The following MARCHF1 variants were observed in gnomAD, a reference collection of about 807,000 sequenced individuals.
MARCHF1 encodes the protein E3 ubiquitin-protein ligase MARCHF1.
MARCHF1 carries 40 observed loss-of-function variants against 54.2 expected under a neutral mutation model. That is an observed-to-expected ratio of 0.74 (90% CI 0.57 to 0.96). MARCHF1 has a LOEUF of 0.96. Ranked by LOEUF, MARCHF1 falls within the 40% of genes least tolerant of loss-of-function variation. The pLI is 0.00. For missense variants in MARCHF1, 586 were observed against 656.5 expected (o/e 0.89, Z 1.17); for synonymous variants, 236 against 236.3 (o/e 1.00, Z 0.01).
chr4:163,660,414 T>A (rs542192316), intron 5 of MARCHF1, among the ~76,000 whole-genome samples: 2 of 151,026 alleles, frequency 1.3e-5, no homozygotes, highest in East Asian at 3.9e-4. Context: ...TGGGTGGGGG[T>A]CAAGGGGAGG....
intron 4 of MARCHF1, among the ~76,000 whole-genome samples, chr4:163,780,901 T>C (rs756915767): frequency 5.9e-5 from 9 of 152,142 alleles, no homozygotes; most frequent in Non-Finnish European, 1.0e-4. Flanking sequence ...GAGCTTGTTG[T>C]GAAAAGGGCA....
intron 3 of MARCHF1, chr4:163,933,307 C>G (rs1219678416): frequency 1.7e-6 from 1 of 574,276 alleles, no homozygotes; most frequent in Non-Finnish European, 3.3e-6. Context: ...TTACATATCT[C>G]CATTCCTTAT....
chr4:163,932,804 G>T, intron 3 of MARCHF1: 1 of 610,872 alleles, frequency 1.6e-6, no homozygotes, highest in South Asian at 1.4e-5. Flanking sequence ...TCGGCACCAT[G>T]GTCCTGGAAT....
At chr4:163,702,471 A>G (rs1448697007) in intron 4 of MARCHF1, among the ~76,000 whole-genome samples, 2 of 152,156 alleles carry the variant, frequency 1.3e-5, no homozygotes, top group Non-Finnish European at 2.9e-5. Flanking sequence ...TATGTTTTCT[A>G]TATTTACATG....
intron 3 of MARCHF1, among the ~76,000 whole-genome samples, chr4:163,904,679 T>G (rs550947417): frequency 1.3e-5 from 2 of 152,268 alleles, no homozygotes; most frequent in African/African-American, 4.8e-5. Flanking sequence ...TAGTTACCAT[T>G]TCTATGAATA....
At chr4:164,193,967 T>A (rs1304354683) in intron 1 of MARCHF1, among the ~76,000 whole-genome samples, 1 of 152,202 alleles carries the variant, frequency 6.6e-6, no homozygotes, top group Non-Finnish European at 1.5e-5. Flanking sequence ...CACATTCTAG[T>A]CTAAAACTCA....
At chr4:164,221,461 C>A (rs530520497) in intron 1 of MARCHF1, among the ~76,000 whole-genome samples, 1 of 151,690 alleles carries the variant, frequency 6.6e-6, no homozygotes, top group Admixed American at 6.6e-5. Context: ...AAATAAAATT[C>A]ATTAAAAAAT....
At chr4:163,726,635 T>C (rs1745661386) in intron 4 of MARCHF1, among the ~76,000 whole-genome samples, 1 of 152,182 alleles carries the variant, frequency 6.6e-6, no homozygotes, top group South Asian at 2.1e-4. Context: ...AGAAGCACAA[T>C]TACTAGACTG....
chr4:163,887,665 C>G (rs1750569840), intron 3 of MARCHF1, among the ~76,000 whole-genome samples: 1 of 151,154 alleles, frequency 6.6e-6, no homozygotes, highest in South Asian at 2.1e-4. Flanking sequence ...AGTTGTATTC[C>G]AAGGTCTGTA....
intron 5 of MARCHF1, among the ~76,000 whole-genome samples, chr4:163,666,364 A>G (rs1743533887): frequency 1.3e-5 from 2 of 152,068 alleles, no homozygotes; most frequent in Non-Finnish European, 2.9e-5. Flanking sequence ...AAAAAAGTGC[A>G]TTTTATTTTA....
intron 1 of MARCHF1, among the ~76,000 whole-genome samples, chr4:164,209,525 T>C (rs1731707093): frequency 1.3e-5 from 2 of 152,178 alleles, no homozygotes; most frequent in Admixed American, 6.5e-5. Context: ...TAAGGTTCCA[T>C]ATGACATATG....
At chr4:164,201,973 A>T (rs142428725) in intron 1 of MARCHF1, among the ~76,000 whole-genome samples, 133 of 152,366 alleles carry the variant, frequency 8.7e-4, no homozygotes, top group Middle Eastern at 3.4e-3. Context: ...TCAATTAAAC[A>T]AATATTTATT....
intron 4 of MARCHF1, among the ~76,000 whole-genome samples, chr4:163,848,995 G>C (rs1749569120): frequency 6.6e-6 from 1 of 152,122 alleles, no homozygotes; most frequent in Admixed American, 6.6e-5. Flanking sequence ...TATAATCTTG[G>C]ATTATAAAGG....
At chr4:163,956,906 GAGTCCCT>G (rs1266611628) in intron 3 of MARCHF1, among the ~76,000 whole-genome samples, 1 of 152,036 alleles carries the variant, frequency 6.6e-6, no homozygotes, top group Admixed American at 6.6e-5. Flanking sequence ...CAACCAGCAA[GAGTCCCT>G]ATGGCTAACC....
In MARCHF1 at chr4:164,044,150, C is replaced by T. The variant is rs149092547; in HGVS notation, c.-247-55441G>A. Among the ~76,000 whole-genome samples the T allele has an allele frequency of 2.6e-3, 393 of 152,298 alleles. 8 individuals are homozygous for T. The highest frequency in any genetic ancestry group is 0.02 in the East Asian group (104 of 5,184). The stretch of plus-strand genomic sequence containing the variant: ...TCAAACTCTGCCTGTTACCCAGTTG[C>T]AAAGTCGCTTTCACATTTTCAGGTA... On this transcript the variant is annotated intron_variant, in intron 2 of 9. Coordinates refer to ENST00000514618, the MANE Select transcript of MARCHF1 (RefSeq NM_001394959.1).
At position 164,049,500 on chromosome 4, in the gene MARCHF1, C is replaced by A. The variant is rs149354237; in HGVS notation, c.-247-60791G>T. The stretch of plus-strand genomic sequence containing the variant: ...AGAGGTTAATGACTAAATTTACACA[C>A]CTGCTAAAAATTAGCACAAGTACTA... On this transcript the variant is annotated intron_variant, in intron 2 of 9. Transcript: ENST00000514618. Among the ~76,000 whole-genome samples the A allele has an allele frequency of 7.0e-3, 1,068 of 152,092 alleles. 14 individuals are homozygous for A. Among genetic ancestry groups the A allele is most frequent in the African/African-American group, 0.025 (1,016 of 41,456 alleles).
At chr4:164,152,660 A>T (rs1729972348) in intron 1 of MARCHF1, among the ~76,000 whole-genome samples, 1 of 152,108 alleles carries the variant, frequency 6.6e-6, no homozygotes. Flanking sequence ...GGAGACAATC[A>T]ACTAAGAGCC....
chr4:164,184,433 T>G (rs1361056283), intron 1 of MARCHF1, among the ~76,000 whole-genome samples: 1 of 152,180 alleles, frequency 6.6e-6, no homozygotes, highest in Non-Finnish European at 1.5e-5. Flanking sequence ...GAAGAGAAAG[T>G]AATTCTTTCT....
chr4:164,112,494 T>C (rs1276698044), intron 1 of MARCHF1, among the ~76,000 whole-genome samples: 6 of 151,918 alleles, frequency 3.9e-5, no homozygotes, highest in Non-Finnish European at 8.8e-5. Context: ...TTATTGATCA[T>C]TTTTTCAAAG....
Sources: allele counts gnomAD v4.1 joint callset (sites outside exome capture counted in the v4.1 genomes callset), GRCh38; gene constraint gnomAD v4.1.1; transcripts MANE v1.5; gene names NCBI Gene and HGNC (gene_info 2026-07-23, HGNC 2026-07-21).